SPAG16: variants seen among roughly 807,000 people sequenced by gnomAD.
The protein encoded by SPAG16 is sperm associated antigen 16, also known as sperm-associated antigen 16 protein.
SPAG16 carries 86 observed loss-of-function variants against 80.4 expected under a neutral mutation model. The observed-to-expected ratio is 1.07, with a 90% CI of 0.90 to 1.28. The LOEUF is 1.28. Among genes scored for constraint, SPAG16 ranks in the 50% most tolerant of loss-of-function variants. The pLI is 0.00. For missense variants in SPAG16, 870 were observed against 765.3 expected (o/e 1.14, Z -1.61); for synonymous variants, 294 against 265.9 (o/e 1.11, Z -1.03).
At chr2:213,655,560 T>A (rs1322630622) in intron 10 of SPAG16, among the ~76,000 whole-genome samples, 1 of 152,212 alleles carries the variant, frequency 6.6e-6, no homozygotes, top group African/African-American at 2.4e-5. Flanking sequence ...TGTTGGAAGT[T>A]AGGATAACGG....
chr2:214,044,745 T>C (rs1386746924), intron 13 of SPAG16, among the ~76,000 whole-genome samples: 2 of 152,128 alleles, frequency 1.3e-5, no homozygotes, highest in Non-Finnish European at 2.9e-5. Context: ...AGTTCAACAA[T>C]TGTGAGGCAT....
At chr2:213,327,758 G>C (rs972799944) in intron 5 of SPAG16, among the ~76,000 whole-genome samples, 3 of 151,978 alleles carry the variant, frequency 2.0e-5, no homozygotes, top group African/African-American at 7.2e-5. Flanking sequence ...ATTTTTGGTT[G>C]ATTAGAAGAT....
At chr2:214,183,114 C>A (rs544449874) in intron 15 of SPAG16, among the ~76,000 whole-genome samples, 11 of 151,990 alleles carry the variant, frequency 7.2e-5, no homozygotes, top group African/African-American at 2.2e-4. Flanking sequence ...CCTTTGTATA[C>A]CTAAATGTAC....
chr2:213,358,750 C>T (rs971176035), intron 7 of SPAG16, among the ~76,000 whole-genome samples: 5 of 152,174 alleles, frequency 3.3e-5, no homozygotes, highest in African/African-American at 1.2e-4. Context: ...CTTCTGAAGC[C>T]TACTTTTGTC....
chr2:213,789,815 C>G (rs148287819), intron 10 of SPAG16, among the ~76,000 whole-genome samples: 44 of 152,014 alleles, frequency 2.9e-4, no homozygotes, highest in African/African-American at 8.4e-4. Context: ...ATATACTCAC[C>G]TATTTTTGCC....
intron 8 of SPAG16, among the ~76,000 whole-genome samples, chr2:213,373,400 A>C (rs2066738107): frequency 6.6e-6 from 1 of 152,150 alleles, no homozygotes; most frequent in South Asian, 2.1e-4. Flanking sequence ...TACCCTGTAC[A>C]TTCTGCAATG....
chr2:213,745,457 G>A (rs1284020509), intron 10 of SPAG16, among the ~76,000 whole-genome samples: 1 of 152,074 alleles, frequency 6.6e-6, no homozygotes, highest in African/African-American at 2.4e-5. Context: ...TGACTAGGCT[G>A]GTCTTGAACT....
intron 10 of SPAG16, among the ~76,000 whole-genome samples, chr2:213,814,879 A>G (rs1296922153): frequency 1.3e-5 from 2 of 151,874 alleles, no homozygotes; most frequent in South Asian, 2.1e-4. Flanking sequence ...TTAAATATAT[A>G]TATATATATA....
At chr2:213,833,674 C>T (rs539250789) in intron 10 of SPAG16, among the ~76,000 whole-genome samples, 52 of 123,024 alleles carry the variant, frequency 4.2e-4, no homozygotes, top group Non-Finnish European at 7.9e-4. Context: ...CTTCTACCCA[C>T]GTGGCTATTT....
chr2:213,541,437 G>A lies in SPAG16; in HGVS notation c.1070+51347G>A, dbSNP rs538433565. Among the ~76,000 whole-genome samples the A allele has an allele frequency of 1.9e-4, 29 of 152,130 alleles. No homozygotes were observed. In the East Asian group the frequency reaches 5.4e-3, roughly 28 times the overall value. On this transcript the variant is annotated intron_variant, in intron 10 of 15. Coordinates refer to ENST00000331683, the MANE Select transcript of SPAG16 (RefSeq NM_024532.5). ...AGTTTGAGACCAGCCTGGCCAACAT[G>A]GTGAAATCTCTTCTCTACTAAAAAT...
chr2:213,348,159 A>C (rs1001432896), intron 6 of SPAG16, among the ~76,000 whole-genome samples: 4 of 151,928 alleles, frequency 2.6e-5, no homozygotes, highest in Non-Finnish European at 4.4e-5. Context: ...GTCTCTTCTG[A>C]TCTTTGTTGG....
rs1177013756 is a variant in SPAG16, at chr2:214,009,981, G to A, written c.1401-3970G>A. On this transcript the variant is annotated intron_variant, in intron 12 of 15. Transcript: ENST00000331683. ...CAAATTTCAGTGAAGAACATGAAGTGCATAAAGGAATCACCTGAGTAAAGA... is the reference window on the plus strand; with the variant it reads ...CAAATTTCAGTGAAGAACATGAAGTACATAAAGGAATCACCTGAGTAAAGA... 2.7e-5 allele frequency among the ~76,000 whole-genome samples: 4 copies of A among 146,226 alleles called. 1 individual carries two copies. The highest frequency in any genetic ancestry group is 2.0e-4 in the Admixed American group (3 of 15,050).
At chr2:213,686,885 GT>G (rs2064707988) in intron 10 of SPAG16, among the ~76,000 whole-genome samples, 3 of 151,092 alleles carry the variant, frequency 2.0e-5, no homozygotes, top group African/African-American at 7.3e-5. Context: ...GGGTTTCACT[GT>G]TTTAGCCAGG....
At chr2:214,348,331 A>G (rs1698190068) in intron 15 of SPAG16, among the ~76,000 whole-genome samples, 1 of 152,182 alleles carries the variant, frequency 6.6e-6, no homozygotes, top group Admixed American at 6.5e-5. Flanking sequence ...AATGAAAATG[A>G]TTTGCGACCA....
chr2:213,489,093 A>C (rs1216881294), intron 9 of SPAG16, among the ~76,000 whole-genome samples: 1 of 152,010 alleles, frequency 6.6e-6, no homozygotes, highest in Non-Finnish European at 1.5e-5. Flanking sequence ...AAAAAAAAAA[A>C]AAAAGATTTT....
At chr2:213,398,527 C>G (rs375576556) in intron 9 of SPAG16, among the ~76,000 whole-genome samples, 26 of 152,276 alleles carry the variant, frequency 1.7e-4, no homozygotes, top group Middle Eastern at 6.8e-3. Context: ...CCTTGAGGCT[C>G]TTGCACTTGA....
At chr2:214,172,192 C>T in intron 15 of SPAG16, among the ~76,000 whole-genome samples, 1 of 151,656 alleles carries the variant, frequency 6.6e-6, no homozygotes, top group Non-Finnish European at 1.5e-5. Context: ...TGTGCTGCAC[C>T]CATTAACTCG....
intron 12 of SPAG16, among the ~76,000 whole-genome samples, chr2:213,990,589 A>T (rs1414997017): frequency 1.3e-5 from 2 of 152,198 alleles, no homozygotes; most frequent in African/African-American, 4.8e-5. Context: ...TAAGAAAATT[A>T]TAAGGAAGAG....
chr2:214,260,931 A>T (rs1290120881), intron 15 of SPAG16, among the ~76,000 whole-genome samples: 1 of 151,618 alleles, frequency 6.6e-6, no homozygotes, highest in Non-Finnish European at 1.5e-5. Flanking sequence ...ACATGGCGAA[A>T]CCCTGTCTCT....
Sources: allele counts gnomAD v4.1 joint callset (sites outside exome capture counted in the v4.1 genomes callset), GRCh38; gene constraint gnomAD v4.1.1; transcripts MANE v1.5; gene names NCBI Gene and HGNC (gene_info 2026-07-23, HGNC 2026-07-21).